The following UBE2D1 variants were observed in gnomAD, a reference collection of about 807,000 sequenced individuals.
UBE2D1 encodes ubiquitin conjugating enzyme E2 D1.
A neutral mutation model predicts 24.6 loss-of-function variants in UBE2D1; 9 were observed. That is an observed-to-expected ratio of 0.37 (90% CI 0.22 to 0.64). The LOEUF (loss-of-function observed/expected upper bound fraction) is 0.64, where lower values mean the gene tolerates loss of function less well. Ranked by LOEUF, UBE2D1 falls within the 30% of genes least tolerant of loss-of-function variation. UBE2D1 has a pLI of 0.64. For missense variants in UBE2D1, 87 were observed against 177.1 expected (o/e 0.49, Z 2.89); for synonymous variants, 57 against 57.6 (o/e 0.99, Z 0.04).
intron 1 of UBE2D1, among the ~76,000 whole-genome samples, chr10:58,360,106 G>GGTGTTT (rs1840177920): frequency 2.0e-5 from 3 of 152,174 alleles, no homozygotes; most frequent in Admixed American, 2.0e-4. Context: ...TCATTAATGT[G>GGTGTTT]GTCTGTATGG....
At chr10:58,364,493 C>T (rs138732149) in intron 4 of UBE2D1, 263 of 250,556 alleles carry the variant, frequency 1.0e-3, no homozygotes, top group African/African-American at 5.4e-3. Flanking sequence ...CTCAACCAGT[C>T]ATACCGGCTA....
intron 1 of UBE2D1, among the ~76,000 whole-genome samples, chr10:58,336,990 A>G (rs1268774353): frequency 6.6e-6 from 1 of 152,228 alleles, no homozygotes; most frequent in Non-Finnish European, 1.5e-5. Context: ...GTGGATATTC[A>G]AAGAAATATG....
At chr10:58,366,205 GC>G (rs1375176007) in intron 5 of UBE2D1, among the ~76,000 whole-genome samples, 1 of 152,164 alleles carries the variant, frequency 6.6e-6, no homozygotes, top group Non-Finnish European at 1.5e-5. Context: ...ATGGCAAACT[GC>G]CAGATATTGA....
chr10:58,358,999 C>T (rs1840164167), intron 1 of UBE2D1, among the ~76,000 whole-genome samples: 1 of 143,322 alleles, frequency 7.0e-6, no homozygotes, highest in Non-Finnish European at 1.5e-5. Flanking sequence ...GGAAGAGAAA[C>T]CGCACCAGCT....
chr10:58,366,092 G>A (rs971774449), intron 5 of UBE2D1, among the ~76,000 whole-genome samples: 2 of 107,358 alleles, frequency 1.9e-5, no homozygotes, highest in Non-Finnish European at 3.7e-5. Context: ...AAGATTCTGT[G>A]TTGAAGGGTT....
intron 4 of UBE2D1, among the ~76,000 whole-genome samples, chr10:58,363,973 A>G (rs1247021365): frequency 4.0e-5 from 6 of 151,550 alleles, no homozygotes; most frequent in Non-Finnish European, 7.4e-5. Flanking sequence ...TTTATGATTA[A>G]GAGTCAGACT....
At chr10:58,353,227 A>C (rs1840096575) in intron 1 of UBE2D1, among the ~76,000 whole-genome samples, 1 of 152,216 alleles carries the variant, frequency 6.6e-6, no homozygotes, top group African/African-American at 2.4e-5. Flanking sequence ...GGAGGGGTAT[A>C]GTTGGGATGA....
At chr10:58,357,241 G>T (rs569493790) in intron 1 of UBE2D1, among the ~76,000 whole-genome samples, 3 of 152,062 alleles carry the variant, frequency 2.0e-5, no homozygotes, top group Non-Finnish European at 4.4e-5. Flanking sequence ...TAACATATCC[G>T]TTTGGAATAA....
intron 3 of UBE2D1, among the ~76,000 whole-genome samples, chr10:58,362,274 C>T: frequency 6.6e-6 from 1 of 152,184 alleles, no homozygotes; most frequent in African/African-American, 2.4e-5. Context: ...TTCTCTTCTC[C>T]CTGCCCTGAA....
chr10:58,360,877 G>T (rs570904735), intron 1 of UBE2D1: 1 of 420,962 alleles, frequency 2.4e-6, no homozygotes, highest in South Asian at 1.7e-5. Flanking sequence ...GTGAGCTTTC[G>T]TGCCACTGCA....
intron 5 of UBE2D1, 68 bp from the exon 6 acceptor site, chr10:58,367,855 T>C: frequency 1.9e-6 from 2 of 1,061,502 alleles, no homozygotes; most frequent in African/African-American, 3.2e-5. Context: ...CTAAAATTAT[T>C]TTCACATATG....
At chr10:58,351,572 C>T (rs897763099) in intron 1 of UBE2D1, among the ~76,000 whole-genome samples, 3 of 152,220 alleles carry the variant, frequency 2.0e-5, no homozygotes, top group Non-Finnish European at 4.4e-5. Flanking sequence ...GTTGTCGTCT[C>T]CTCTGATAAC....
intron 6 of UBE2D1, chr10:58,368,486 A>ATTTTTTTTTTTTTTTTTTTTTTTTTTTT: frequency 3.1e-6 from 1 of 324,158 alleles, no homozygotes. Context: ...CTGCATTTTG[A>ATTTTTTTTTTTTTTTTTTTTTTTTTTTT]TTTTTGTGTA....
intron 1 of UBE2D1, among the ~76,000 whole-genome samples, chr10:58,338,680 G>T (rs1839930017): frequency 6.6e-6 from 1 of 152,134 alleles, no homozygotes; most frequent in South Asian, 2.1e-4. Context: ...CAAAAAAAAG[G>T]AAATCCTAAA....
At chr10:58,339,816 C>A (rs910950877) in intron 1 of UBE2D1, among the ~76,000 whole-genome samples, 1 of 150,462 alleles carries the variant, frequency 6.6e-6, no homozygotes, top group Non-Finnish European at 1.5e-5. Flanking sequence ...GCCCAGTTAA[C>A]ACAAAAATAG....
At chr10:58,346,606 G>A (rs1363298243) in intron 1 of UBE2D1, among the ~76,000 whole-genome samples, 1 of 152,140 alleles carries the variant, frequency 6.6e-6, no homozygotes, top group Non-Finnish European at 1.5e-5. Context: ...TGCAACTAAA[G>A]GCAAGATTAA....
chr10:58,366,883 C>T (rs976334256), intron 5 of UBE2D1, among the ~76,000 whole-genome samples: 2 of 152,010 alleles, frequency 1.3e-5, no homozygotes, highest in Non-Finnish European at 2.9e-5. Context: ...TTGCCTGGAG[C>T]TTTTCCATAT....
At chr10:58,339,399 C>G (rs377366845) in intron 1 of UBE2D1, among the ~76,000 whole-genome samples, 1 of 152,230 alleles carries the variant, frequency 6.6e-6, no homozygotes, top group South Asian at 2.1e-4. Flanking sequence ...AACCACCTCA[C>G]GCAGCCAAAG....
intron 1 of UBE2D1, among the ~76,000 whole-genome samples, chr10:58,359,937 A>G (rs749243791): frequency 6.6e-6 from 1 of 152,120 alleles, no homozygotes; most frequent in Non-Finnish European, 1.5e-5. Context: ...CACTTCTCCA[A>G]TCTAAGCCCC....
Sources: gnomAD v4.1 joint callset for allele counts (sites outside exome capture counted in the v4.1 genomes callset) on GRCh38, gnomAD v4.1.1 for gene constraint, MANE v1.5 for transcripts, NCBI Gene and HGNC (gene_info 2026-07-23, HGNC 2026-07-21) for gene names.